MYRIP: variants seen among roughly 807,000 people sequenced by gnomAD.
The protein encoded by MYRIP is rab effector MyRIP.
Under a neutral mutation model 98.0 loss-of-function variants are expected in MYRIP, and 49 were observed. The observed-to-expected ratio is 0.50, with a 90% CI of 0.40 to 0.63. The LOEUF is 0.63. Among genes scored for constraint, MYRIP ranks in the 30% least tolerant of loss-of-function variants. The probability of loss-of-function intolerance (pLI) is 0.00; values close to 1 mark genes in which losing one functional copy is unlikely to be tolerated. For missense variants in MYRIP, 1,004 were observed against 1,058.2 expected, an observed-to-expected ratio of 0.95 and a Z score of 0.71; for synonymous variants, 404 against 409.5, an observed-to-expected ratio of 0.99 and a Z score of 0.16.
intron 12 of MYRIP, 71 bp from the exon 13 acceptor site, chr3:40,244,375 G>T: frequency 1.4e-6 from 2 of 1,421,520 alleles, no homozygotes; most frequent in Admixed American, 2.5e-5. Flanking sequence ...AATTGCTGGG[G>T]TCCCCTCAAG....
At chr3:40,005,934 A>G (rs1946624059) in intron 2 of MYRIP, among the ~76,000 whole-genome samples, 1 of 152,160 alleles carries the variant, frequency 6.6e-6, no homozygotes, top group African/African-American at 2.4e-5. Context: ...TCACAGGGGG[A>G]TTTAATTTGA....
intron 2 of MYRIP, among the ~76,000 whole-genome samples, chr3:39,945,939 G>A (rs1235784659): frequency 6.6e-6 from 1 of 151,970 alleles, no homozygotes; most frequent in Non-Finnish European, 1.5e-5. Flanking sequence ...CATATCTTTA[G>A]CTACTGTTTT....
chr3:40,200,639 T>C (rs1011425479), intron 10 of MYRIP, among the ~76,000 whole-genome samples: 2 of 152,162 alleles, frequency 1.3e-5, no homozygotes, highest in African/African-American at 4.8e-5. Flanking sequence ...TATGTAGCAA[T>C]AAAACCATGT....
At chr3:39,876,042 A>G (rs1476086367) in intron 1 of MYRIP, among the ~76,000 whole-genome samples, 2 of 152,144 alleles carry the variant, frequency 1.3e-5, no homozygotes, top group Non-Finnish European at 2.9e-5. Flanking sequence ...GGGTGCATAT[A>G]TATTTAGGAT....
intron 3 of MYRIP, among the ~76,000 whole-genome samples, chr3:40,094,784 T>C (rs1948794967): frequency 6.6e-6 from 1 of 152,250 alleles, no homozygotes; most frequent in African/African-American, 2.4e-5. Context: ...GATTCAGGTA[T>C]GACTGGATTC....
At chr3:39,916,181 T>C (rs1462332255) in intron 2 of MYRIP, among the ~76,000 whole-genome samples, 1 of 152,090 alleles carries the variant, frequency 6.6e-6, no homozygotes, top group Non-Finnish European at 1.5e-5. Context: ...CACTCATCTA[T>C]TAATGAAACC....
chr3:40,182,196 C>G, intron 8 of MYRIP, 24 bp from the exon 9 acceptor site: 1 of 1,587,590 alleles, frequency 6.3e-7, no homozygotes, highest in Non-Finnish European at 8.6e-7. Flanking sequence ...TGAGCTCACC[C>G]CTTCCCCTCT....
At chr3:39,967,614 G>A (rs182551355) in intron 2 of MYRIP, among the ~76,000 whole-genome samples, 1 of 152,214 alleles carries the variant, frequency 6.6e-6, no homozygotes, top group East Asian at 1.9e-4. Context: ...TGAGATTGCT[G>A]GGTTGAATGG....
At chr3:40,056,837 G>A (rs1466080407) in intron 3 of MYRIP, among the ~76,000 whole-genome samples, 1 of 152,128 alleles carries the variant, frequency 6.6e-6, no homozygotes, top group East Asian at 1.9e-4. Flanking sequence ...TCAGTCTGTG[G>A]TATGTGTTGG....
intron 2 of MYRIP, among the ~76,000 whole-genome samples, chr3:39,952,736 C>T (rs943425543): frequency 3.0e-4 from 46 of 152,162 alleles, no homozygotes; most frequent in African/African-American, 1.1e-3. Flanking sequence ...TTTTCCCCCT[C>T]TTTATTTATC....
rs372179424 is a variant in MYRIP, at chr3:39,894,295, T to C, written c.-30-6492T>C. ...TCACCACTTCCCAAGCCTGGCCCCA[T>C]CTAGCCACTGCCTTCCAGAGGGTAA... is the stretch of plus-strand genomic sequence containing the variant. On this transcript the variant is annotated intron_variant, in intron 1 of 16. Coordinates refer to ENST00000302541, the MANE Select transcript of MYRIP (RefSeq NM_015460.4). Among the ~76,000 whole-genome samples, 7 of 152,332 alleles carry C rather than the reference T, an allele frequency of 4.6e-5. No homozygotes were observed. The East Asian group carries it at 1.2e-3, about 25-fold the overall frequency.
At chr3:39,860,719 C>A (rs1401594580) in intron 1 of MYRIP, among the ~76,000 whole-genome samples, 1 of 152,206 alleles carries the variant, frequency 6.6e-6, no homozygotes, top group Non-Finnish European at 1.5e-5. Flanking sequence ...CCTGCCCCAA[C>A]TACAGCCTCC....
chr3:39,911,816 C>T (rs1387183906), intron 2 of MYRIP, among the ~76,000 whole-genome samples: 1 of 152,194 alleles, frequency 6.6e-6, no homozygotes, highest in Non-Finnish European at 1.5e-5. Context: ...CAGGCTCCTT[C>T]AGTGCCTGGG....
chr3:39,938,395 G>A (rs1575396450), intron 2 of MYRIP, among the ~76,000 whole-genome samples: 1 of 152,082 alleles, frequency 6.6e-6, no homozygotes, highest in East Asian at 1.9e-4. Flanking sequence ...GGGCATTTGG[G>A]TAGTTTCTAG....
At chr3:40,164,592 A>T (rs927275654) in intron 5 of MYRIP, among the ~76,000 whole-genome samples, 14 of 152,236 alleles carry the variant, frequency 9.2e-5, no homozygotes, top group Admixed American at 5.9e-4. Flanking sequence ...CACCTGGACT[A>T]GTGTTTGATT....
chr3:39,870,367 ATTT>A, intron 1 of MYRIP, among the ~76,000 whole-genome samples: 1 of 150,064 alleles, frequency 6.7e-6, no homozygotes, highest in Middle Eastern at 3.2e-3. Flanking sequence ...CATTCTTCCA[ATTT>A]GTTCCATTCT....
At chr3:39,982,364 G>A (rs574209077) in intron 2 of MYRIP, among the ~76,000 whole-genome samples, 3 of 152,220 alleles carry the variant, frequency 2.0e-5, no homozygotes, top group African/African-American at 7.2e-5. Flanking sequence ...AAATTGGACC[G>A]CTATTTATAG....
In MYRIP at chr3:40,160,844, C is replaced by G. The variant is rs576185213; in HGVS notation, c.470-1886C>G. ...CTTGCGCTTCCTGAGTGAGGCAATG[C>G]CTTGCCCTGCTTCGGTTCGCACACG... On this transcript the variant is annotated intron_variant, in intron 4 of 16. Coordinates refer to ENST00000302541, the MANE Select transcript of MYRIP (RefSeq NM_015460.4). Among the ~76,000 whole-genome samples, 604 of 152,318 alleles carry G rather than the reference C, an allele frequency of 4.0e-3. 4 individuals carry two copies. Among genetic ancestry groups the G allele is most frequent in the African/African-American group, 0.014 (572 of 41,556 alleles).
chr3:40,152,514 C>T (rs1360501139), intron 4 of MYRIP, among the ~76,000 whole-genome samples: 1 of 152,190 alleles, frequency 6.6e-6, no homozygotes, highest in Non-Finnish European at 1.5e-5. Flanking sequence ...AGGCATGAAT[C>T]CCAAGTGGGC....
Sources: gnomAD v4.1 joint callset for allele counts (sites outside exome capture counted in the v4.1 genomes callset) on GRCh38, gnomAD v4.1.1 for gene constraint, MANE v1.5 for transcripts, NCBI Gene and HGNC (gene_info 2026-07-23, HGNC 2026-07-21) for gene names.